The following ANKRD33B variants were observed in gnomAD, a reference collection of about 807,000 sequenced individuals.
The protein encoded by ANKRD33B is ankyrin repeat domain 33B.
A neutral mutation model predicts 21.5 loss-of-function variants in ANKRD33B; 6 were observed. The observed-to-expected ratio is 0.28, with a 90% CI of 0.15 to 0.55. ANKRD33B has a LOEUF of 0.55. ANKRD33B is among the 20% of genes least tolerant of loss of function. The probability of loss-of-function intolerance (pLI) is 0.94; values close to 1 mark genes in which losing one functional copy is unlikely to be tolerated. For missense variants in ANKRD33B, 698 were observed against 747.2 expected (o/e 0.93, Z 0.77); for synonymous variants, 347 against 342.4 (o/e 1.01, Z -0.15).
intron 1 of ANKRD33B, among the ~76,000 whole-genome samples, chr5:10,604,753 A>G (rs1736006578): frequency 6.6e-6 from 1 of 152,182 alleles, no homozygotes; most frequent in South Asian, 2.1e-4. Context: ...CCAGTTCTCA[A>G]GACAGAAACA....
At chr5:10,582,208 A>G (rs1735458914) in intron 1 of ANKRD33B, among the ~76,000 whole-genome samples, 1 of 152,218 alleles carries the variant, frequency 6.6e-6, no homozygotes. Context: ...TGTCTGATGT[A>G]ACACTCTGCT....
chr5:10,640,330 C>G (rs945280977), intron 3 of ANKRD33B, among the ~76,000 whole-genome samples: 8 of 152,284 alleles, frequency 5.3e-5, no homozygotes, highest in Non-Finnish European at 1.2e-4. Flanking sequence ...TTTCCTGTTC[C>G]CATCTGTGAA....
intron 1 of ANKRD33B, among the ~76,000 whole-genome samples, chr5:10,606,500 C>G (rs1320888906): frequency 6.6e-6 from 1 of 152,078 alleles, no homozygotes; most frequent in African/African-American, 2.4e-5. Flanking sequence ...CTTTGGGAGG[C>G]CAAGGTGGGC....
chr5:10,583,207 C>T (rs1045379042), intron 1 of ANKRD33B, among the ~76,000 whole-genome samples: 4 of 152,068 alleles, frequency 2.6e-5, no homozygotes, highest in African/African-American at 4.8e-5. Context: ...CCATGTTGGC[C>T]AGGCTGGTCT....
chr5:10,624,023 G>A (rs1433095436), intron 2 of ANKRD33B, among the ~76,000 whole-genome samples: 1 of 152,026 alleles, frequency 6.6e-6, no homozygotes, highest in Non-Finnish European at 1.5e-5. Context: ...TGTTGTTAAT[G>A]ATTTGATGCC....
In ANKRD33B at chr5:10,564,704, C is replaced by T. The variant is rs1341908620; in HGVS notation, c.237C>T (p.Val79=). Residue 79 remains valine (V), a synonymous_variant, in exon 1 of 4, where the codon GTC becomes GTT. Coordinates refer to ENST00000296657, the MANE Select transcript of ANKRD33B (RefSeq NM_001164440.2). ...GCGCGGAGAGCGTCCCGGAGGGCGT[C>T]CCGGAAAGCGTCCCGGAGACGGCGA... is the stretch of plus-strand genomic sequence containing the variant. ...VESAESVPEG[V]PESVPETATL... 2 of 1,533,660 alleles carry T rather than the reference C, an allele frequency of 1.3e-6. No homozygotes were observed. The highest frequency in any genetic ancestry group is 1.7e-6 in the Non-Finnish European group (2 of 1,145,868).
At chr5:10,643,432 T>C (rs12153807) in intron 3 of ANKRD33B, among the ~76,000 whole-genome samples, 63,750 of 151,772 alleles carry the variant, frequency 0.42, 13,669 homozygotes, top group Middle Eastern at 0.56. Flanking sequence ...ATAAATAATT[T>C]AAATGGGAAA....
At chr5:10,623,749 G>A (rs909710545) in intron 2 of ANKRD33B, among the ~76,000 whole-genome samples, 5 of 152,218 alleles carry the variant, frequency 3.3e-5, no homozygotes, top group African/African-American at 4.8e-5. Context: ...TCGGGTGGCC[G>A]GGGTATGTAC....
At chr5:10,616,420 C>T (rs574124364) in intron 1 of ANKRD33B, among the ~76,000 whole-genome samples, 3 of 151,998 alleles carry the variant, frequency 2.0e-5, no homozygotes, top group South Asian at 4.2e-4. Context: ...CAAAATTAGC[C>T]GGGCGTGGTG....
In ANKRD33B at chr5:10,651,675, A is replaced by G. The variant is rs1737360354; in HGVS notation, c.*1562A>G. ...CAGGCCTATTTGGAGGCTCTGTACT[A>G]TGACCCTAATAACCCTAGATACATC... On this transcript the variant is annotated 3_prime_UTR_variant, in exon 4 of 4. Transcript: ENST00000296657. The G allele has an allele frequency of 6.6e-6, 1 of 152,280 alleles. No individual in the cohort carries two copies. The highest frequency in any genetic ancestry group is 2.1e-4 in the South Asian group (1 of 4,824). The allele number at this position is 152,280 out of a possible 1,614,324, so 9.4% of individuals were successfully genotyped here.
intron 1 of ANKRD33B, among the ~76,000 whole-genome samples, chr5:10,593,508 G>A (rs1454975288): frequency 6.6e-6 from 1 of 151,974 alleles, no homozygotes; most frequent in Admixed American, 6.6e-5. Context: ...AACTTGCCTT[G>A]TACTGTACCT....
chr5:10,595,869 C>T lies in ANKRD33B; in HGVS notation c.367-22464C>T, dbSNP rs140402222. Among the ~76,000 whole-genome samples the T allele has an allele frequency of 6.1e-3, 928 of 152,268 alleles. 7 individuals carry two copies. Among genetic ancestry groups the T allele is most frequent in the African/African-American group, 0.021 (880 of 41,536 alleles). On this transcript the variant is annotated intron_variant, in intron 1 of 3. Transcript: ENST00000296657. ...TCCATTTTTTTGCCTCCTCTGTGAA[C>T]GAGCAGGTGTGATGGCCTGAAAACA...
Position 10,653,381 on chromosome 5 carries a change from G to C in ANKRD33B, c.*3268G>C, listed in dbSNP as rs1737403475. The C allele has an allele frequency of 6.6e-6, 1 of 152,498 alleles. No individual in the cohort carries two copies. Among genetic ancestry groups the C allele is most frequent in the South Asian group, 2.1e-4 (1 of 4,840 alleles). 9.4% of individuals were successfully genotyped at this position (152,498 alleles called of 1,614,324 possible). A position where few individuals can be genotyped will look rare whatever the true frequency, so the allele number is the denominator to read the frequency against. ...TCTCATTCTCTTTGGAGTGGGCACAGAGGGGACAAGTCGGCCCCCAGTGAG... is the reference window on the plus strand; with the variant it reads ...TCTCATTCTCTTTGGAGTGGGCACACAGGGGACAAGTCGGCCCCCAGTGAG... On this transcript the variant is annotated 3_prime_UTR_variant, in exon 4 of 4. Transcript: ENST00000296657.
chr5:10,610,789 A>T (rs1036698612), intron 1 of ANKRD33B, among the ~76,000 whole-genome samples: 70 of 152,340 alleles, frequency 4.6e-4, no homozygotes, highest in Non-Finnish European at 7.5e-4. Context: ...TCACGTCTGT[A>T]ATCCCGGCAC....
chr5:10,637,398 T>G (rs1736891978), intron 2 of ANKRD33B, among the ~76,000 whole-genome samples: 1 of 125,578 alleles, frequency 8.0e-6, no homozygotes, highest in Non-Finnish European at 1.6e-5. Context: ...CGACACTCTG[T>G]GGGATGTGTG....
rs183607450 is a variant in ANKRD33B at position 10,577,918 on chromosome 5, G to A, written c.366+13085G>A. ...CCTGCTGACCTCCATGCTTTGGAGG[G>A]TCCAGGTCTTAGGGGGACCTGTTTC... On this transcript the variant is annotated intron_variant, in intron 1 of 3. Transcript: ENST00000296657. Among the ~76,000 whole-genome samples, 78 of 152,332 alleles carry A rather than the reference G, an allele frequency of 5.1e-4. 1 individual carries two copies. Among genetic ancestry groups the A allele is most frequent in the Admixed American group, 1.4e-3 (22 of 15,308 alleles).
chr5:10,603,131 T>C (rs2126569980), intron 1 of ANKRD33B, among the ~76,000 whole-genome samples: 1 of 151,974 alleles, frequency 6.6e-6, no homozygotes, highest in Admixed American at 6.6e-5. Context: ...CTATTTATAT[T>C]CTCCCAACTC....
chr5:10,608,355 C>CT (rs1456237415), intron 1 of ANKRD33B, among the ~76,000 whole-genome samples: 1 of 135,516 alleles, frequency 7.4e-6, no homozygotes, highest in African/African-American at 2.9e-5. Context: ...GAGACTCCAT[C>CT]TAAAAAAAAA....
At position 10,649,921 on chromosome 5, in the gene ANKRD33B, G is replaced by T. The variant is rs1159519545; in HGVS notation, c.1293G>T (p.Ala431=). The change falls in exon 4 of 4, where the codon GCG becomes GCT. Residue 431 remains alanine (A), a synonymous_variant. Coordinates refer to ENST00000296657, the MANE Select transcript of ANKRD33B (RefSeq NM_001164440.2). Reference sequence around the variant, plus strand: ...TGCCCCGGGTCCGAGTCAGCAAGGCGCCCGCGCCCACCTTCCAGCCCGAGC... The same window carrying T: ...TGCCCCGGGTCCGAGTCAGCAAGGCTCCCGCGCCCACCTTCCAGCCCGAGC... ...VVVPRVRVSK[A]PAPTFQPERP... is the part of the protein sequence containing the mutation. The T allele has an allele frequency of 2.0e-6, 3 of 1,523,192 alleles. No individual in the cohort carries two copies. Among genetic ancestry groups the T allele is most frequent in the South Asian group, 1.2e-5 (1 of 82,788 alleles). 94.4% of individuals were successfully genotyped at this position (1,523,192 alleles called of 1,614,324 possible). A position where few individuals can be genotyped will look rare whatever the true frequency, so the allele number is the denominator to read the frequency against.
Sources: allele counts gnomAD v4.1 joint callset (sites outside exome capture counted in the v4.1 genomes callset), GRCh38; gene constraint gnomAD v4.1.1; transcripts MANE v1.5; gene names NCBI Gene and HGNC (gene_info 2026-07-23, HGNC 2026-07-21).